The following PKHD1 variants were observed in gnomAD, a reference collection of about 807,000 sequenced individuals.
PKHD1 encodes the protein fibrocystin.
A neutral mutation model predicts 412.0 loss-of-function variants in PKHD1; 291 were observed. That is an observed-to-expected ratio of 0.71 (90% CI 0.64 to 0.78). The LOEUF is 0.78. Ranked by LOEUF, PKHD1 falls within the 30% of genes least tolerant of loss-of-function variation. The pLI is 0.00. For synonymous variants in PKHD1, 1,777 were observed against 1,821.5 expected (o/e 0.98, Z 0.62); for missense variants, 4,825 against 4,950.7 (o/e 0.97, Z 0.76).
At chr6:52,045,125 A>G (rs766002313) in intron 24 of PKHD1, 37 bp from the exon 25 acceptor site, 3 of 1,607,334 alleles carry the variant, frequency 1.9e-6, no homozygotes, top group Admixed American at 3.3e-5. Flanking sequence ...TCTGTCATGG[A>G]ACCGAAATCT....
intron 55 of PKHD1, among the ~76,000 whole-genome samples, chr6:51,760,949 T>C (rs866306614): frequency 6.6e-6 from 1 of 151,994 alleles, no homozygotes; most frequent in Non-Finnish European, 1.5e-5. Flanking sequence ...TTAGTGAGGA[T>C]GGAAAGAGAA....
intron 49 of PKHD1, among the ~76,000 whole-genome samples, chr6:51,854,668 G>C: frequency 6.6e-6 from 1 of 152,168 alleles, no homozygotes; most frequent in East Asian, 1.9e-4. Context: ...TGCCCACTGA[G>C]GAAGGATGGG....
At chr6:51,924,194 A>C (rs1042656472) in intron 37 of PKHD1, among the ~76,000 whole-genome samples, 23 of 152,216 alleles carry the variant, frequency 1.5e-4, no homozygotes, top group Non-Finnish European at 2.9e-4. Context: ...TGCATATGGA[A>C]GAATTCTCTT....
rs761885512 is a variant in PKHD1 at position 52,064,965 on chromosome 6, G to T, written c.966C>A (p.Thr322=). ...RAPGKDVRLT[T]PQPGNRGLLF... is the part of the protein sequence containing the mutation. ...TGGTGGCTTCCTTACCTGGCTGAGG[G>T]GTGGTGAGCCTCACATCTTTTCCTG... The change falls in exon 13 of 67, where the codon ACC becomes ACA. Residue 322 remains threonine, a synonymous_variant. Transcript: ENST00000371117. The T allele has an allele frequency of 1.9e-6, 3 of 1,594,944 alleles. No homozygotes were observed. The highest frequency in any genetic ancestry group is 2.2e-5 in the South Asian group (2 of 90,584).
At chr6:51,694,548 C>CGTTTTT in intron 60 of PKHD1, among the ~76,000 whole-genome samples, 1 of 37,690 alleles carries the variant, frequency 2.7e-5, no homozygotes, top group Non-Finnish European at 4.4e-5. Flanking sequence ...CACAACCAGC[C>CGTTTTT]TTTTTTTTTT....
chr6:51,874,071 A>G (rs1178612319), intron 46 of PKHD1, among the ~76,000 whole-genome samples: 1 of 152,182 alleles, frequency 6.6e-6, no homozygotes, highest in Non-Finnish European at 1.5e-5. Context: ...TGAAAGGTCT[A>G]AATTGAAGAA....
At chr6:51,995,081 T>A (rs545482259) in intron 35 of PKHD1, among the ~76,000 whole-genome samples, 1 of 152,334 alleles carries the variant, frequency 6.6e-6, no homozygotes, top group South Asian at 2.1e-4. Context: ...TTCAGAATAC[T>A]CATCCTTCAT....
At chr6:51,844,934 A>G (rs2151608191) in intron 50 of PKHD1, among the ~76,000 whole-genome samples, 1 of 152,358 alleles carries the variant, frequency 6.6e-6, no homozygotes, top group Non-Finnish European at 1.5e-5. Flanking sequence ...CATCCCAGGA[A>G]TATGTCCACA....
chr6:51,821,718 G>A (rs1766454662), intron 52 of PKHD1, among the ~76,000 whole-genome samples: 1 of 152,138 alleles, frequency 6.6e-6, no homozygotes, highest in Admixed American at 6.5e-5. Flanking sequence ...TTGTTTGTTT[G>A]TTTGTTTGTT....
chr6:51,895,387 C>T (rs1357372630), intron 43 of PKHD1, among the ~76,000 whole-genome samples: 1 of 152,182 alleles, frequency 6.6e-6, no homozygotes, highest in African/African-American at 2.4e-5. Flanking sequence ...AACTGAAAAA[C>T]TGGACTAGAC....
chr6:51,856,103 T>C (rs1773262538), intron 48 of PKHD1, 33 bp from the exon 49 acceptor site: 1 of 1,306,718 alleles, frequency 7.7e-7, no homozygotes, highest in Non-Finnish European at 1.1e-6. Context: ...AAAAATGGGT[T>C]GAGAGATTAT....
intron 64 of PKHD1, among the ~76,000 whole-genome samples, chr6:51,635,858 T>TGGGGGGGGGGG: frequency 6.1e-5 from 1 of 16,412 alleles, no homozygotes; most frequent in Non-Finnish European, 1.2e-4. Flanking sequence ...GTGGTGAAGG[T>TGGGGGGGGGGG]GGGGGGGGGC....
chr6:51,685,314 T>G (rs774778813), intron 60 of PKHD1, among the ~76,000 whole-genome samples: 6 of 152,226 alleles, frequency 3.9e-5, no homozygotes, highest in African/African-American at 1.4e-4. Flanking sequence ...GTCATAAAAT[T>G]AACCAGATTT....
rs1781672753 is a variant in PKHD1 at position 51,903,861 on chromosome 6, T to TATATATATATATATATA, written c.6865+124_6865+125insTATATATATATATATAT. On this transcript the variant is annotated intron_variant, in intron 42 of 66. Coordinates refer to ENST00000371117, the MANE Select transcript of PKHD1 (RefSeq NM_138694.4). ...TATATATATATATATATATATATAT[T>TATATATATATATATATA]TAGAAAATATTTAGTATGCACAATA... 4.4e-5 allele frequency: 16 copies of TATATATATATATATATA among 363,898 alleles called. No individual in the cohort carries two copies. The African/African-American group carries it at 5.5e-4, about 13-fold the overall frequency. The allele number at this position is 363,898 out of a possible 1,614,324, so 22.5% of individuals were successfully genotyped here. A position where few individuals can be genotyped will look rare whatever the true frequency, so the allele number is the denominator to read the frequency against.
chr6:52,086,106 A>T (rs2397077), intron 1 of PKHD1, among the ~76,000 whole-genome samples: 142,606 of 146,102 alleles, frequency 0.98, 69,693 homozygotes, highest in East Asian at 1. Context: ...ACACACACAA[A>T]GTGTGTGTGT....
In PKHD1 at chr6:52,035,658, G is replaced by A; in HGVS notation, c.3161C>T (p.Ser1054Phe). ...LEGVSLILFG[S>F]YSCAINVATS... ...AGCGACATTGATGGCACACGAGTAA[G>A]ATCCAAATAATATCAGGCTAACACC... Residue 1054 changes from serine (S) to phenylalanine (F), a missense_variant, in exon 28 of 67, where the codon TCT becomes TTT. Transcript: ENST00000371117. 6.2e-7 allele frequency: 1 copy of A among 1,613,790 alleles called. No individual in the cohort carries two copies. The highest frequency in any genetic ancestry group is 8.5e-7 in the Non-Finnish European group (1 of 1,179,724).
At chr6:51,674,225 A>C (rs899250018) in intron 60 of PKHD1, among the ~76,000 whole-genome samples, 2 of 152,206 alleles carry the variant, frequency 1.3e-5, no homozygotes, top group African/African-American at 4.8e-5. Context: ...CATTTCAGCT[A>C]TCACATAATG....
At chr6:51,714,876 T>C (rs1185586290) in intron 60 of PKHD1, among the ~76,000 whole-genome samples, 2 of 152,100 alleles carry the variant, frequency 1.3e-5, no homozygotes, top group African/African-American at 2.4e-5. Context: ...ATCTGTTACA[T>C]AGTAAGTAAA....
At chr6:51,654,894 G>T (rs539385126) in intron 61 of PKHD1, among the ~76,000 whole-genome samples, 33 of 152,036 alleles carry the variant, frequency 2.2e-4, no homozygotes, top group Non-Finnish European at 4.4e-4. Flanking sequence ...TGGGTATTAT[G>T]CAATCTTTGT....
Sources: gnomAD v4.1 joint callset for allele counts (sites outside exome capture counted in the v4.1 genomes callset) on GRCh38, gnomAD v4.1.1 for gene constraint, MANE v1.5 for transcripts, NCBI Gene and HGNC (gene_info 2026-07-23, HGNC 2026-07-21) for gene names.